PLAGL1: variants seen among roughly 807,000 people sequenced by gnomAD.
PLAGL1 encodes the protein zinc finger protein PLAGL1.
In PLAGL1, 1 loss-of-function variant was observed where a neutral mutation model predicts 4.6. That is an observed-to-expected ratio of 0.22 (90% CI 0.08 to 1.03). The LOEUF (loss-of-function observed/expected upper bound fraction) is 1.03, where lower values mean the gene tolerates loss of function less well. Among genes scored for constraint, PLAGL1 ranks in the 50% least tolerant of loss-of-function variants. The pLI is 0.58. For synonymous variants in PLAGL1, 240 were observed against 237.8 expected, an observed-to-expected ratio of 1.01 and a Z score of -0.08; for missense variants, 464 against 570.4, an observed-to-expected ratio of 0.81 and a Z score of 1.90.
chr6:144,007,680 T>C (rs1274152876), intron 1 of PLAGL1: 1 of 152,208 alleles, frequency 6.6e-6, no homozygotes, highest in Non-Finnish European at 1.5e-5. Flanking sequence ...AATAATCATA[T>C]TTTCCATAAG....
chr6:143,978,490 G>A lies in PLAGL1; in HGVS notation c.-544+6645C>T, dbSNP rs1256709271. ...TGGAAAATTTCCAGCACTTTTTTCA[G>A]TATTAACTTTTAGTTTAATTCTGTA... On this transcript the variant is annotated intron_variant, in intron 2 of 7. Coordinates refer to ENST00000674357, the MANE Select transcript of PLAGL1 (RefSeq NM_001317162.2). The surrounding 1 kb of genome is among the most constrained non-coding windows in gnomAD (Gnocchi z 4.6). 6.6e-6 allele frequency among the ~76,000 whole-genome samples: 1 copy of A among 151,872 alleles called. No homozygotes were observed. The highest frequency in any genetic ancestry group is 2.4e-5 in the African/African-American group (1 of 41,318).
chr6:143,944,911 G>T (rs1388863019), intron 7 of PLAGL1, among the ~76,000 whole-genome samples: 1 of 151,072 alleles, frequency 6.6e-6, no homozygotes, highest in East Asian at 1.9e-4. Flanking sequence ...ATCACCCATG[G>T]GTAGATCAAT....
rs1221856339 is a variant in PLAGL1 at position 143,973,679 on chromosome 6, G to A, written c.-543-4701C>T. Among the ~76,000 whole-genome samples the A allele has an allele frequency of 6.6e-6, 1 of 152,114 alleles. No homozygotes were observed. The highest frequency in any genetic ancestry group is 1.5e-5 in the Non-Finnish European group (1 of 68,014). ...AACTTTATTCTCAATCGAATGGTTC[G>A]TTCTAATAGCCAGAGGAAGATGGCT... On this transcript the variant is annotated intron_variant, in intron 2 of 7. Coordinates refer to ENST00000674357, the MANE Select transcript of PLAGL1 (RefSeq NM_001317162.2). This position sits in a 1 kb window ranked among gnomAD's most constrained non-coding sequence, Gnocchi z 6.2.
At position 143,941,975 on chromosome 6, in the gene PLAGL1, A is replaced by C; in HGVS notation, c.841T>G (p.Ser281Ala). 6.3e-7 allele frequency: 1 copy of C among 1,596,080 alleles called. No homozygotes were observed. Among genetic ancestry groups the C allele is most frequent in the Non-Finnish European group, 8.5e-7 (1 of 1,170,174 alleles). Reference protein sequence around the residue: ...AAQPMQPLPESLASLHPSVSP... With the variant: ...AAQPMQPLPEALASLHPSVSP... ...ACCGAGGGGTGGAGGGAGGCCAGGG[A>C]CTCTGGCAGCGGCTGCATAGGCTGG... Residue 281 changes from serine (S) to alanine (A), a missense_variant, in exon 8 of 8, where the codon TCC (serine) becomes GCC (alanine). Ser to Ala is a moderately conservative substitution (Grantham distance 99). Transcript: ENST00000674357. This position sits in a 1 kb window ranked among gnomAD's most constrained non-coding sequence, Gnocchi z 6.0.
intron 1 of PLAGL1, among the ~76,000 whole-genome samples, chr6:144,002,733 A>C (rs1437257682): frequency 6.6e-6 from 1 of 152,182 alleles, no homozygotes; most frequent in African/African-American, 2.4e-5. Flanking sequence ...AACAATGTGT[A>C]AGTCCTCTAT....
In PLAGL1 at chr6:143,941,978, C is replaced by G. The variant is rs141235151; in HGVS notation, c.838G>C (p.Glu280Gln). ...GAGGGGTGGAGGGAGGCCAGGGACT[C>G]TGGCAGCGGCTGCATAGGCTGGGCG... ...QAAQPMQPLP[E>Q]SLASLHPSVS... The change falls in exon 8 of 8, where the codon GAG becomes CAG. Residue 280 changes from glutamate (E) to glutamine (Q), a missense_variant. Glu to Gln is a conservative substitution (Grantham distance 29). Around this residue, in one of 4 missense-constraint regions of PLAGL1, gnomAD observed 248 missense variants for 250.1 expected, o/e 0.99. Transcript: ENST00000674357. The surrounding 1 kb of genome is among the most constrained non-coding windows in gnomAD (Gnocchi z 6.0). 80 of 1,594,156 alleles carry G rather than the reference C, an allele frequency of 5.0e-5. No individual in the cohort carries two copies. The highest frequency in any genetic ancestry group is 6.5e-5 in the Non-Finnish European group (76 of 1,169,374).
chr6:143,977,461 C>CTTA (rs1786904658), intron 2 of PLAGL1, among the ~76,000 whole-genome samples: 1 of 100,880 alleles, frequency 9.9e-6, no homozygotes, highest in African/African-American at 3.6e-5. Context: ...TTTTTTTCTT[C>CTTA]TTCTTCTTCT....
chr6:143,943,026 G>T, intron 7 of PLAGL1, among the ~76,000 whole-genome samples: 1 of 13,642 alleles, frequency 7.3e-5, no homozygotes. Flanking sequence ...CACCAGGCCT[G>T]GCTAATTTTT....
Position 143,959,842 on chromosome 6 carries a change from AATG to A in PLAGL1, c.-325+624_-325+626del, listed in dbSNP as rs1161417637. Reference sequence around the variant, plus strand: ...TAATATCATTACTGGTGATGATGATAATGATGATGAACAGAGGTTGCTCCCAGG... The same window carrying A: ...TAATATCATTACTGGTGATGATGATAATGATGAACAGAGGTTGCTCCCAGG... On this transcript the variant is annotated intron_variant, in intron 6 of 7. Coordinates refer to ENST00000674357, the MANE Select transcript of PLAGL1 (RefSeq NM_001317162.2). This position sits in a 1 kb window ranked among gnomAD's most constrained non-coding sequence, Gnocchi z 5.3. Among the ~76,000 whole-genome samples the A allele has an allele frequency of 2.9e-4, 44 of 152,308 alleles. 1 individual carries two copies. Among genetic ancestry groups the A allele is most frequent in the Admixed American group, 2.8e-3 (43 of 15,308 alleles).
chr6:144,059,646 T>C lies in PLAGL1; in HGVS notation c.-151+4822A>G, dbSNP rs897528921. ...TTAGGAAATGTATTCAGCAAAACTA[T>C]TCAGCAAATAGCTACCACCCATCAT... On this transcript the variant is annotated intron_variant, in intron 1 of 3. Transcript: ENST00000437412. This position sits in a 1 kb window ranked among gnomAD's most constrained non-coding sequence, Gnocchi z 4.9. 1.3e-5 allele frequency among the ~76,000 whole-genome samples: 2 copies of C among 152,234 alleles called. No homozygotes were observed. Among genetic ancestry groups the C allele is most frequent in the African/African-American group, 2.4e-5 (1 of 41,462 alleles).
rs1783556642 is a variant in PLAGL1, at chr6:143,962,341, A to G, written c.-398-1799T>C. ...AGGGAAAAAAGGGTTTTCATACGTC[A>G]ATTATTCTTTTTTAAGTATGTGGTT... On this transcript the variant is annotated intron_variant, in intron 5 of 7. Coordinates refer to ENST00000674357, the MANE Select transcript of PLAGL1 (RefSeq NM_001317162.2). The surrounding 1 kb of genome is among the most constrained non-coding windows in gnomAD (Gnocchi z 5.3). Among the ~76,000 whole-genome samples the G allele has an allele frequency of 6.6e-6, 1 of 152,224 alleles. No individual in the cohort carries two copies. Among genetic ancestry groups the G allele is most frequent in the Non-Finnish European group, 1.5e-5 (1 of 68,044 alleles).
chr6:144,060,555 G>T (rs891996846), intron 1 of PLAGL1, among the ~76,000 whole-genome samples: 2 of 152,190 alleles, frequency 1.3e-5, no homozygotes, highest in South Asian at 4.1e-4. Flanking sequence ...TAGGGGCCAC[G>T]TGCATCTAAA....
intron 1 of PLAGL1, among the ~76,000 whole-genome samples, chr6:144,021,314 G>A (rs1054551755): frequency 2.6e-5 from 4 of 152,114 alleles, no homozygotes; most frequent in African/African-American, 9.7e-5. Flanking sequence ...GGAAATTTTA[G>A]CAATTATTAC....
rs1784390947 is a variant in PLAGL1, at chr6:143,966,200, T to C, written c.-471-2A>G. The C allele has an allele frequency of 6.6e-6, 1 of 152,204 alleles. No individual in the cohort carries two copies. Among genetic ancestry groups the C allele is most frequent in the Admixed American group, 6.5e-5 (1 of 15,276 alleles). 9.4% of individuals were successfully genotyped at this position (152,204 alleles called of 1,614,324 possible). A position where few individuals can be genotyped will look rare whatever the true frequency, so the allele number is the denominator to read the frequency against. On this transcript the variant is annotated splice_acceptor_variant, in intron 3 of 7. Transcript: ENST00000674357. LOFTEE classifies it low-confidence loss of function (5UTR_SPLICE). This position sits in a 1 kb window ranked among gnomAD's most constrained non-coding sequence, Gnocchi z 6.0. ...ATGGTCCCATTAGGTTTCTGTCGAC[T>C]GCAACGAAAAGTCTTGTCTAATCAG...
rs1056844713 is a variant in PLAGL1, at chr6:143,955,013, T to C, written c.-325+5456A>G. Reference sequence around the variant, plus strand: ...GAGACAATATGCAAGACTGGAATCATGGACAGGATATATTCAAAGATGTGT... The same window carrying C: ...GAGACAATATGCAAGACTGGAATCACGGACAGGATATATTCAAAGATGTGT... On this transcript the variant is annotated intron_variant, in intron 6 of 7. Transcript: ENST00000674357. This position sits in a 1 kb window ranked among gnomAD's most constrained non-coding sequence, Gnocchi z 4.9. 1.3e-5 allele frequency among the ~76,000 whole-genome samples: 2 copies of C among 152,246 alleles called. No homozygotes were observed. The highest frequency in any genetic ancestry group is 2.1e-4 in the South Asian group (1 of 4,832).
rs1795527670 is a variant in PLAGL1, at chr6:144,015,832, A to T, written c.-150-46854T>A. Among the ~76,000 whole-genome samples the T allele has an allele frequency of 6.6e-6, 1 of 152,228 alleles. No individual in the cohort carries two copies. The highest frequency in any genetic ancestry group is 2.4e-5 in the African/African-American group (1 of 41,450). Reference sequence around the variant, plus strand: ...GAAAACAGTTTGAAAGTTTCTTATAAAGTTAAACATACTCTTATTATATGA... The same window carrying T: ...GAAAACAGTTTGAAAGTTTCTTATATAGTTAAACATACTCTTATTATATGA... On this transcript the variant is annotated intron_variant, in intron 1 of 3. Transcript: ENST00000437412. This position sits in a 1 kb window ranked among gnomAD's most constrained non-coding sequence, Gnocchi z 4.3.
chr6:143,983,594 G>C lies in PLAGL1; in HGVS notation c.-544+1541C>G, dbSNP rs1788409739. 1.3e-5 allele frequency among the ~76,000 whole-genome samples: 2 copies of C among 152,108 alleles called. No homozygotes were observed. Among genetic ancestry groups the C allele is most frequent in the Admixed American group, 1.3e-4 (2 of 15,262 alleles). On this transcript the variant is annotated intron_variant, in intron 2 of 7. Coordinates refer to ENST00000674357, the MANE Select transcript of PLAGL1 (RefSeq NM_001317162.2). The surrounding 1 kb of genome is among the most constrained non-coding windows in gnomAD (Gnocchi z 6.6). ...GCAGGCATGGAATCAGCAAACAAAG[G>C]CACTGGGATATAGATGGCTAAGTAC...
chr6:143,990,309 CG>C lies in PLAGL1; in HGVS notation c.-583-5136del, dbSNP rs1466306642. On this transcript the variant is annotated intron_variant, in intron 1 of 7. Transcript: ENST00000674357. The surrounding 1 kb of genome is among the most constrained non-coding windows in gnomAD (Gnocchi z 5.4). ...CTAATTTTTGTATTTTTATTAGAGA[CG>C]GGGTTTCAACATGTTGGCCAGGATG... 6.6e-6 allele frequency among the ~76,000 whole-genome samples: 1 copy of C among 152,012 alleles called. No individual in the cohort carries two copies. The highest frequency in any genetic ancestry group is 2.4e-5 in the African/African-American group (1 of 41,388).
intron 2 of PLAGL1, among the ~76,000 whole-genome samples, chr6:143,969,635 A>AT (rs1476914160): frequency 8.0e-5 from 12 of 150,132 alleles, no homozygotes; most frequent in South Asian, 2.1e-4. Context: ...AAAAAAAAAA[A>AT]TTTTTTTTTT....
Sources: allele counts gnomAD v4.1 joint callset (sites outside exome capture counted in the v4.1 genomes callset), GRCh38; gene constraint gnomAD v4.1.1; regional missense constraint gnomAD v4.1.1; non-coding constraint Gnocchi (gnomAD v3.1); transcripts MANE v1.5; gene names NCBI Gene and HGNC (gene_info 2026-07-23, HGNC 2026-07-21).